Variants in ELMO1 observed in about 807,000 individuals in gnomAD.
ELMO1 encodes the protein engulfment and cell motility 1.
ELMO1 carries 26 observed loss-of-function variants against 98.9 expected under a neutral mutation model. The ratio of observed to expected loss-of-function variants is 0.26; its 90% CI spans 0.19 to 0.36. The LOEUF (loss-of-function observed/expected upper bound fraction) is 0.36. Among genes scored for constraint, ELMO1 ranks in the 10% least tolerant of loss-of-function variants. The probability of loss-of-function intolerance (pLI) is 1.00; values close to 1 mark genes in which losing one functional copy is unlikely to be tolerated. For missense variants in ELMO1, 627 were observed against 935.2 expected (o/e 0.67, Z 4.30); for synonymous variants, 346 against 346.0 (o/e 1.00, Z 0.00).
chr7:36,939,685 C>T (rs910634549), intron 16 of ELMO1, among the ~76,000 whole-genome samples: 1 of 152,242 alleles, frequency 6.6e-6, no homozygotes, highest in Non-Finnish European at 1.5e-5. Flanking sequence ...TGCAGATCAA[C>T]CCTTTCCCTG....
At chr7:36,949,609 A>G (rs907328495) in intron 16 of ELMO1, among the ~76,000 whole-genome samples, 1 of 152,090 alleles carries the variant, frequency 6.6e-6, no homozygotes, top group African/African-American at 2.4e-5. Flanking sequence ...TGTGCATTAC[A>G]GAATGTTTAG....
chr7:37,161,518 C>T (rs1789200339), intron 13 of ELMO1, among the ~76,000 whole-genome samples: 1 of 152,120 alleles, frequency 6.6e-6, no homozygotes, highest in African/African-American at 2.4e-5. Context: ...AATTCAGGAA[C>T]AGACATTTTC....
chr7:37,253,104 T>C (rs1040619546), intron 6 of ELMO1, among the ~76,000 whole-genome samples: 9 of 152,074 alleles, frequency 5.9e-5, no homozygotes, highest in African/African-American at 2.2e-4. Flanking sequence ...TGTGGAGAAA[T>C]GGGAACGCTT....
intron 16 of ELMO1, among the ~76,000 whole-genome samples, chr7:36,935,259 T>C (rs1882084): frequency 0.019 from 2,827 of 152,326 alleles, 62 homozygotes; most frequent in Admixed American, 0.075. Flanking sequence ...CTGTGTGAGA[T>C]GTGCCTTTCA....
chr7:37,319,944 C>T (rs10282266), intron 2 of ELMO1, among the ~76,000 whole-genome samples: 19,023 of 152,012 alleles, frequency 0.13, 1,321 homozygotes, highest in East Asian at 0.22. Context: ...GCTCATATTA[C>T]TCGTTTGCTC....
chr7:37,096,967 C>A (rs1280997445), intron 14 of ELMO1, among the ~76,000 whole-genome samples: 1 of 152,198 alleles, frequency 6.6e-6, no homozygotes, highest in Non-Finnish European at 1.5e-5. Flanking sequence ...TGTTCGTTCC[C>A]ATTTACACAG....
intron 15 of ELMO1, among the ~76,000 whole-genome samples, chr7:37,042,211 G>GAAA (rs35969834): frequency 1.1e-5 from 1 of 93,546 alleles, no homozygotes; most frequent in African/African-American, 3.6e-5. Context: ...TCTGACTTTT[G>GAAA]AAAAAAAAAA....
chr7:37,324,828 T>A (rs755001763), intron 2 of ELMO1, among the ~76,000 whole-genome samples: 2 of 152,324 alleles, frequency 1.3e-5, no homozygotes, highest in Non-Finnish European at 2.9e-5. Context: ...TTCTCCCACA[T>A]TGGCCTTCCA....
rs573817015 is a variant in ELMO1 at position 37,345,774 on chromosome 7, G to A, written c.-73-3011C>T. Among the ~76,000 whole-genome samples the A allele has an allele frequency of 1.1e-3, 165 of 151,954 alleles. 1 individual carries two copies. The highest frequency in any genetic ancestry group is 3.9e-3 in the African/African-American group (161 of 41,418). ...GGAGGCCGAGGCAGGCAGATCACAA[G>A]GTCAGGAGATCGAGACCATCCTGGC... On this transcript the variant is annotated intron_variant, in intron 1 of 21. Coordinates refer to ENST00000310758, the MANE Select transcript of ELMO1 (RefSeq NM_014800.11).
At chr7:37,382,313 C>A (rs1054499934) in intron 1 of ELMO1, among the ~76,000 whole-genome samples, 1 of 152,038 alleles carries the variant, frequency 6.6e-6, no homozygotes. Flanking sequence ...TAAAGTATAC[C>A]CTTCACCCGT....
At chr7:36,920,306 G>C (rs1359916563) in intron 16 of ELMO1, among the ~76,000 whole-genome samples, 1 of 152,228 alleles carries the variant, frequency 6.6e-6, no homozygotes, top group Non-Finnish European at 1.5e-5. Flanking sequence ...TCATTGGACT[G>C]TTGCCCCATG....
At chr7:37,297,589 T>C (rs1271183944) in intron 4 of ELMO1, among the ~76,000 whole-genome samples, 2 of 151,208 alleles carry the variant, frequency 1.3e-5, no homozygotes, top group African/African-American at 2.4e-5. Context: ...CTTTGAAGAA[T>C]GGCCCCTTTA....
intron 4 of ELMO1, among the ~76,000 whole-genome samples, chr7:37,296,965 T>TG (rs1798057610): frequency 6.6e-6 from 1 of 152,250 alleles, no homozygotes; most frequent in Non-Finnish European, 1.5e-5. Context: ...AGGACACAGG[T>TG]GCAGCAGCAG....
At chr7:36,930,843 C>T (rs540749871) in intron 16 of ELMO1, among the ~76,000 whole-genome samples, 3 of 152,208 alleles carry the variant, frequency 2.0e-5, no homozygotes, top group Admixed American at 1.3e-4. Flanking sequence ...GAAAGACATG[C>T]TTCCTCTCTT....
intron 15 of ELMO1, among the ~76,000 whole-genome samples, chr7:37,085,024 T>G (rs904028034): frequency 5.9e-5 from 9 of 152,186 alleles, no homozygotes; most frequent in African/African-American, 1.9e-4. Flanking sequence ...CCCAAAGTGG[T>G]TGGATTACAG....
chr7:37,021,683 A>C (rs13228606), intron 15 of ELMO1, among the ~76,000 whole-genome samples: 6,337 of 152,228 alleles, frequency 0.042, 159 homozygotes, highest in Middle Eastern at 0.092. Context: ...AAGAAAAGAA[A>C]AGAAAAAAAG....
At position 36,887,543 on chromosome 7, in the gene ELMO1, G is replaced by C. The variant is rs1353918819; in HGVS notation, c.1714+17C>G. ...TGTTTACCCTATCCAAGTTTGGAGT[G>C]TCCCCAGAAACAATACCTTGCCTCC... On this transcript the variant is annotated intron_variant, in intron 18 of 21. Coordinates refer to ENST00000310758, the MANE Select transcript of ELMO1 (RefSeq NM_014800.11). 6.2e-7 allele frequency: 1 copy of C among 1,612,192 alleles called. No homozygotes were observed. The highest frequency in any genetic ancestry group is 8.5e-7 in the Non-Finnish European group (1 of 1,178,534).
At chr7:37,296,997 T>C (rs1045094826) in intron 4 of ELMO1, among the ~76,000 whole-genome samples, 12 of 152,306 alleles carry the variant, frequency 7.9e-5, no homozygotes, top group African/African-American at 2.6e-4. Context: ...AGATGATTTT[T>C]CTTGAGTGGG....
intron 1 of ELMO1, among the ~76,000 whole-genome samples, chr7:37,390,758 G>A (rs1803034444): frequency 6.6e-6 from 1 of 152,122 alleles, no homozygotes; most frequent in African/African-American, 2.4e-5. Context: ...CCACCCCCCA[G>A]CCCCCATGCT....
Sources: gnomAD v4.1 joint callset for allele counts (sites outside exome capture counted in the v4.1 genomes callset) on GRCh38, gnomAD v4.1.1 for gene constraint, MANE v1.5 for transcripts, NCBI Gene and HGNC (gene_info 2026-07-23, HGNC 2026-07-21) for gene names.